GAREM1: variants seen among roughly 807,000 people sequenced by gnomAD.
The protein encoded by GAREM1 is GRB2 associated regulator of MAPK1 subtype 1.
A neutral mutation model predicts 71.3 loss-of-function variants in GAREM1; 26 were observed. The ratio of observed to expected loss-of-function variants is 0.36; its 90% CI spans 0.27 to 0.51. The LOEUF is 0.51. Ranked by LOEUF, GAREM1 falls within the 20% of genes least tolerant of loss-of-function variation. The pLI, the probability that GAREM1 is intolerant of heterozygous loss-of-function variation, is 0.95. For synonymous variants in GAREM1, 440 were observed against 433.2 expected, an observed-to-expected ratio of 1.02 and a Z score of -0.20; for missense variants, 1,026 against 1,103.1, an observed-to-expected ratio of 0.93 and a Z score of 0.99.
At chr18:32,316,284 C>T (rs543509393) in intron 2 of GAREM1, among the ~76,000 whole-genome samples, 69 of 152,306 alleles carry the variant, frequency 4.5e-4, no homozygotes, top group South Asian at 1.7e-3. Flanking sequence ...TCCTTTCATT[C>T]GTTCTTTCAA....
At chr18:32,306,372 T>C (rs1323646046) in intron 3 of GAREM1, among the ~76,000 whole-genome samples, 7 of 152,180 alleles carry the variant, frequency 4.6e-5, no homozygotes, top group Non-Finnish European at 1.0e-4. Flanking sequence ...TCTAGGTTAA[T>C]GCCTCTCAAC....
chr18:32,434,071 GAC>G (rs1326142930), intron 1 of GAREM1, among the ~76,000 whole-genome samples: 1 of 151,910 alleles, frequency 6.6e-6, no homozygotes, highest in African/African-American at 2.4e-5. Context: ...AATGGAGAGA[GAC>G]ACAGATCAAC....
At chr18:32,363,920 A>ACACACACACACACACACAT (rs1408632288) in intron 2 of GAREM1, among the ~76,000 whole-genome samples, 3 of 146,708 alleles carry the variant, frequency 2.0e-5, no homozygotes, top group African/African-American at 7.5e-5. Context: ...ACACACACAT[A>ACACACACACACACACACAT]AAAAAATATA....
In GAREM1 at chr18:32,323,356, T is replaced by G. The variant is rs144340363; in HGVS notation, c.263-13033A>C. ...CAGGAACTCTTCATTCTACCTTCAT[T>G]TGAAGCCACGGTCCTGAAGTGGAAG... On this transcript the variant is annotated intron_variant, in intron 2 of 5. Coordinates refer to ENST00000269209, the MANE Select transcript of GAREM1 (RefSeq NM_001242409.2). Among the ~76,000 whole-genome samples the G allele has an allele frequency of 9.3e-4, 142 of 152,328 alleles. 1 individual carries two copies. Among genetic ancestry groups the G allele is most frequent in the Middle Eastern group, 3.4e-3 (1 of 294 alleles).
intron 2 of GAREM1, among the ~76,000 whole-genome samples, chr18:32,381,886 C>T (rs541949670): frequency 6.6e-6 from 1 of 152,276 alleles, no homozygotes; most frequent in South Asian, 2.1e-4. Flanking sequence ...TTATCTAGAA[C>T]GCCCTTAACC....
At chr18:32,446,121 A>G (rs761246962) in intron 1 of GAREM1, among the ~76,000 whole-genome samples, 4 of 152,140 alleles carry the variant, frequency 2.6e-5, no homozygotes, top group Non-Finnish European at 5.9e-5. Context: ...CACAAATACA[A>G]TAGTAATTAT....
chr18:32,410,278 G>A (rs1248532943), intron 1 of GAREM1, among the ~76,000 whole-genome samples: 1 of 152,178 alleles, frequency 6.6e-6, no homozygotes, highest in Non-Finnish European at 1.5e-5. Context: ...GTGAGACACA[G>A]TGTGCCTTCT....
intron 1 of GAREM1, among the ~76,000 whole-genome samples, chr18:32,403,736 C>T (rs1164912291): frequency 6.6e-6 from 1 of 152,182 alleles, no homozygotes; most frequent in Non-Finnish European, 1.5e-5. Flanking sequence ...CCACTGTGCC[C>T]AGCCCTGGTC....
rs2048034197 is a variant in GAREM1 at position 32,376,771 on chromosome 18, GA to G, written c.262+16123del. ...AAGAATCGCTTGAACCCGGGAGGCG[GA>G]GGCTGCAATGAGCCGAGATTGCACC... On this transcript the variant is annotated intron_variant, in intron 2 of 5. Transcript: ENST00000269209. Among the ~76,000 whole-genome samples the G allele has an allele frequency of 2.6e-5, 4 of 152,300 alleles. No individual in the cohort carries two copies. In the South Asian group the frequency reaches 8.3e-4, roughly 32 times the overall value.
intron 2 of GAREM1, among the ~76,000 whole-genome samples, chr18:32,349,526 G>T (rs148093749): frequency 6.6e-6 from 1 of 152,016 alleles, no homozygotes; most frequent in African/African-American, 2.4e-5. Flanking sequence ...CCTACACAGA[G>T]GTATTACTTC....
rs375597561 is a variant in GAREM1, at chr18:32,268,099, T to C, written c.2403A>G (p.Pro801=). 1.4e-4 allele frequency: 227 copies of C among 1,613,952 alleles called. No homozygotes were observed. Among genetic ancestry groups the C allele is most frequent in the Non-Finnish European group, 1.9e-4 (225 of 1,180,024 alleles). ...LAPRSCGDGS[P]WQPPADLSGL... ...CTGATAGGTCAGCAGGTGGCTGCCATGGGGAACCGTCGCCACAGGATCTGG... is the reference window on the plus strand; with the variant it reads ...CTGATAGGTCAGCAGGTGGCTGCCACGGGGAACCGTCGCCACAGGATCTGG... The change falls in exon 6 of 6, where the codon CCA becomes CCG. Residue 801 remains proline (P), a synonymous_variant. Coordinates refer to ENST00000269209, the MANE Select transcript of GAREM1 (RefSeq NM_001242409.2).
At chr18:32,389,808 T>C (rs2048178875) in intron 2 of GAREM1, among the ~76,000 whole-genome samples, 1 of 152,136 alleles carries the variant, frequency 6.6e-6, no homozygotes, top group Admixed American at 6.5e-5. Context: ...GGAGACAAAA[T>C]ATATACACTA....
chr18:32,439,645 C>T (rs1039348511), intron 1 of GAREM1, among the ~76,000 whole-genome samples: 1 of 146,232 alleles, frequency 6.8e-6, no homozygotes, highest in Non-Finnish European at 1.5e-5. Context: ...ACCAAATGAG[C>T]TTTTTTTTTT....
intron 2 of GAREM1, among the ~76,000 whole-genome samples, chr18:32,319,197 C>T (rs1471686596): frequency 1.3e-5 from 2 of 152,196 alleles, no homozygotes; most frequent in African/African-American, 4.8e-5. Flanking sequence ...GCTCAAATAA[C>T]TGGCCCTTCA....
intron 1 of GAREM1, among the ~76,000 whole-genome samples, chr18:32,414,388 A>G (rs2048448023): frequency 6.6e-6 from 1 of 152,102 alleles, no homozygotes; most frequent in African/African-American, 2.4e-5. Context: ...TAAACATATG[A>G]GTTATTTTTT....
chr18:32,467,111 C>T (rs1372929053), intron 1 of GAREM1, among the ~76,000 whole-genome samples: 1 of 152,104 alleles, frequency 6.6e-6, no homozygotes, highest in Non-Finnish European at 1.5e-5. Context: ...GAAGAGTCAT[C>T]TCAACAGACA....
chr18:32,409,836 TTAA>T (rs1460044449), intron 1 of GAREM1, among the ~76,000 whole-genome samples: 1 of 152,136 alleles, frequency 6.6e-6, no homozygotes, highest in African/African-American at 2.4e-5. Context: ...TCTGCAAACA[TTAA>T]TAATATACTA....
At chr18:32,392,587 C>G (rs1267689922) in intron 2 of GAREM1, among the ~76,000 whole-genome samples, 1 of 152,206 alleles carries the variant, frequency 6.6e-6, no homozygotes, top group African/African-American at 2.4e-5. Context: ...TCCTCAGAGA[C>G]ATGACCCCCT....
chr18:32,383,691 T>C (rs997381237), intron 2 of GAREM1, among the ~76,000 whole-genome samples: 1 of 152,206 alleles, frequency 6.6e-6, no homozygotes, highest in African/African-American at 2.4e-5. Context: ...TAAATTATAT[T>C]TGAACTGGCG....
Sources: allele counts gnomAD v4.1 joint callset (sites outside exome capture counted in the v4.1 genomes callset), GRCh38; gene constraint gnomAD v4.1.1; transcripts MANE v1.5; gene names NCBI Gene and HGNC (gene_info 2026-07-23, HGNC 2026-07-21).